NSD1: variants seen among roughly 807,000 people sequenced by gnomAD.
The protein encoded by NSD1 is histone-lysine N-methyltransferase, H3 lysine-36 specific.
In NSD1, 26 loss-of-function variants were observed where a neutral mutation model predicts 242.7. The observed-to-expected ratio is 0.11, with a 90% CI of 0.08 to 0.15. The LOEUF (loss-of-function observed/expected upper bound fraction) is 0.15. Among genes scored for constraint, NSD1 ranks in the 10% least tolerant of loss-of-function variants. The pLI, the probability that NSD1 is intolerant of heterozygous loss-of-function variation, is 1.00. For synonymous variants in NSD1, 1,106 were observed against 1,178.1 expected, an observed-to-expected ratio of 0.94 and a Z score of 1.25; for missense variants, 2,495 against 3,272.8, an observed-to-expected ratio of 0.76 and a Z score of 5.80.
intron 3 of NSD1, among the ~76,000 whole-genome samples, chr5:177,201,483 G>T (rs571503695): frequency 3.3e-4 from 50 of 151,516 alleles, no homozygotes; most frequent in South Asian, 1.0e-3. Context: ...AGAACTACTT[G>T]TAGTTTTGTT....
intron 3 of NSD1, among the ~76,000 whole-genome samples, chr5:177,203,636 A>C (rs1028847848): frequency 6.6e-6 from 1 of 152,186 alleles, no homozygotes. Context: ...TAGCTACACT[A>C]TAAATGTTAA....
chr5:177,277,456 G>A (rs6880798), intron 17 of NSD1, among the ~76,000 whole-genome samples: 115,975 of 151,980 alleles, frequency 0.76, 45,671 homozygotes, highest in Middle Eastern at 0.9. Flanking sequence ...AGCCTGAAGT[G>A]TTTACTTTCT....
intron 17 of NSD1, 70 bp from the exon 18 acceptor site, chr5:177,280,495 G>T: frequency 6.3e-7 from 1 of 1,590,612 alleles, no homozygotes; most frequent in Non-Finnish European, 8.6e-7. Flanking sequence ...AAAAAAGTTT[G>T]CCTTTTTCAG....
chr5:177,217,445 C>A (rs1023441791), intron 5 of NSD1, among the ~76,000 whole-genome samples: 1 of 152,034 alleles, frequency 6.6e-6, no homozygotes, highest in Non-Finnish European at 1.5e-5. Flanking sequence ...AATTTGGCTC[C>A]TTGCTTCCCT....
At chr5:177,287,352 A>G (rs1258638584) in intron 20 of NSD1, among the ~76,000 whole-genome samples, 2 of 152,270 alleles carry the variant, frequency 1.3e-5, no homozygotes, top group Non-Finnish European at 2.9e-5. Flanking sequence ...AGAAAAAGAC[A>G]GTGTGGGGCT....
intron 5 of NSD1, among the ~76,000 whole-genome samples, chr5:177,225,071 A>G (rs552111606): frequency 2.0e-4 from 31 of 152,298 alleles, no homozygotes; most frequent in African/African-American, 6.0e-4. Context: ...TTAAAAATCT[A>G]TACTCAAAGG....
rs1457265564 is a variant in NSD1 at position 177,269,062 on chromosome 5, G to A, written c.5304-540G>A. On this transcript the variant is annotated intron_variant, in intron 15 of 22. Transcript: ENST00000439151. The surrounding 1 kb of genome is among the most constrained non-coding windows in gnomAD (Gnocchi z 5.1). ...AGATAGAGGTTTCCAGCTTTAATAG[G>A]TAGTGCCAAATTGTCTCCCTAAAGT... Among the ~76,000 whole-genome samples, 1 of 152,038 alleles carries A rather than the reference G, an allele frequency of 6.6e-6. No individual in the cohort carries two copies. The highest frequency in any genetic ancestry group is 6.6e-5 in the Admixed American group (1 of 15,254).
Position 177,133,791 on chromosome 5 carries a change from G to A in NSD1, c.-179G>A, listed in dbSNP as rs1326328722. On this transcript the variant is annotated 5_prime_UTR_variant, in exon 1 of 23. Coordinates refer to ENST00000439151, the MANE Select transcript of NSD1 (RefSeq NM_022455.5). The surrounding 1 kb of genome is among the most constrained non-coding windows in gnomAD (Gnocchi z 6.2). Reference sequence around the variant, plus strand: ...GGAGGAGGAGGCGGCGGCGGAATAGGCCGGGGCAGGTCGCGCTCGCTGCCT... The same window carrying A: ...GGAGGAGGAGGCGGCGGCGGAATAGACCGGGGCAGGTCGCGCTCGCTGCCT... 6.7e-6 allele frequency: 1 copy of A among 149,516 alleles called. No individual in the cohort carries two copies. The highest frequency in any genetic ancestry group is 6.6e-5 in the Admixed American group (1 of 15,070). The allele number at this position is 149,516 out of a possible 1,614,324, so 9.3% of individuals were successfully genotyped here.
chr5:177,240,763 T>A (rs1765795194), intron 8 of NSD1, among the ~76,000 whole-genome samples: 1 of 151,878 alleles, frequency 6.6e-6, no homozygotes, highest in Non-Finnish European at 1.5e-5. Flanking sequence ...TCCCAGGACT[T>A]AGGGAACCCG....
At chr5:177,209,250 G>A (rs543196783) in intron 4 of NSD1, among the ~76,000 whole-genome samples, 19 of 151,902 alleles carry the variant, frequency 1.3e-4, no homozygotes, top group South Asian at 1.0e-3. Context: ...ATTTCAGGCC[G>A]GGTGCGGTGG....
intron 16 of NSD1, 128 bp from the exon 17 acceptor site, chr5:177,273,544 G>A (rs956046474): frequency 4.1e-6 from 3 of 730,410 alleles, no homozygotes; most frequent in Non-Finnish European, 5.0e-6. Flanking sequence ...TTTTCATATA[G>A]CATTGGTCGA....
intron 2 of NSD1, among the ~76,000 whole-genome samples, chr5:177,171,462 T>C (rs1053465556): frequency 6.6e-6 from 1 of 152,226 alleles, no homozygotes; most frequent in African/African-American, 2.4e-5. Flanking sequence ...CTTTTGTTAC[T>C]GTTTTTTTCT....
chr5:177,167,159 T>G (rs1581184861), intron 2 of NSD1, among the ~76,000 whole-genome samples: 1 of 152,296 alleles, frequency 6.6e-6, no homozygotes, highest in East Asian at 1.9e-4. Flanking sequence ...CTTTTTCCAT[T>G]GAATTCAAAA....
intron 5 of NSD1, among the ~76,000 whole-genome samples, chr5:177,216,546 G>A (rs1763785538): frequency 6.6e-6 from 1 of 151,946 alleles, no homozygotes; most frequent in Admixed American, 6.6e-5. Flanking sequence ...TCGTTCTTCA[G>A]CATGTGCATA....
chr5:177,167,217 G>A lies in NSD1; in HGVS notation c.928-24667G>A, dbSNP rs975727780. Among the ~76,000 whole-genome samples the A allele has an allele frequency of 5.9e-5, 9 of 151,774 alleles. No homozygotes were observed. In the East Asian group the frequency reaches 1.7e-3, roughly 29 times the overall value. On this transcript the variant is annotated intron_variant, in intron 2 of 22. Coordinates refer to ENST00000439151, the MANE Select transcript of NSD1 (RefSeq NM_022455.5). Reference sequence around the variant, plus strand: ...TTTGAAATGCTATTCTTTTTCCATTGACTATTGTTTTCTCCGTGTCAAAAA... The same window carrying A: ...TTTGAAATGCTATTCTTTTTCCATTAACTATTGTTTTCTCCGTGTCAAAAA...
chr5:177,288,386 G>C (rs938083117), intron 20 of NSD1: 1 of 244,536 alleles, frequency 4.1e-6, no homozygotes, highest in South Asian at 4.9e-5. Context: ...GTGTTATTCT[G>C]TACTGAGATG....
At chr5:177,183,312 G>A (rs996096366) in intron 2 of NSD1, among the ~76,000 whole-genome samples, 1 of 152,030 alleles carries the variant, frequency 6.6e-6, no homozygotes, top group South Asian at 2.1e-4. Context: ...AAGCATTCTC[G>A]TGACTCACTT....
intron 2 of NSD1, among the ~76,000 whole-genome samples, chr5:177,137,923 A>T (rs1234841191): frequency 2.6e-5 from 4 of 151,984 alleles, no homozygotes; most frequent in Non-Finnish European, 5.9e-5. Context: ...GTCTCTACAA[A>T]AATTAGCCGG....
chr5:177,192,043 T>C (rs1486148309), intron 3 of NSD1, 24 bp downstream of exon 3: 19 of 1,609,552 alleles, frequency 1.2e-5, no homozygotes, highest in Non-Finnish European at 1.5e-5. Context: ...TGATTATACA[T>C]GTTAAAGGCA....
Sources: gnomAD v4.1 joint callset for allele counts (sites outside exome capture counted in the v4.1 genomes callset) on GRCh38, gnomAD v4.1.1 for gene constraint, Gnocchi (gnomAD v3.1) non-coding constraint, MANE v1.5 for transcripts, NCBI Gene and HGNC (gene_info 2026-07-23, HGNC 2026-07-21) for gene names.